The following RALGPS1 variants were observed in gnomAD, a reference collection of about 807,000 sequenced individuals.
The protein encoded by RALGPS1 is ras-specific guanine nucleotide-releasing factor RalGPS1.
RALGPS1 carries 19 observed loss-of-function variants against 78.8 expected under a neutral mutation model. The observed-to-expected ratio is 0.24, with a 90% confidence interval of 0.17 to 0.35. RALGPS1 has a LOEUF of 0.35. Ranked by LOEUF, RALGPS1 falls within the 10% of genes least tolerant of loss-of-function variation. The pLI is 1.00. For missense variants in RALGPS1, 454 were observed against 688.3 expected (o/e 0.66, Z 3.81); for synonymous variants, 228 against 256.3 (o/e 0.89, Z 1.06).
intron 8 of RALGPS1, among the ~76,000 whole-genome samples, chr9:127,118,961 T>C (rs1164067770): frequency 2.0e-5 from 3 of 152,228 alleles, no homozygotes; most frequent in Non-Finnish European, 4.4e-5. Flanking sequence ...ACCTGAGCTC[T>C]GATTCTTCAG....
intron 4 of RALGPS1, among the ~76,000 whole-genome samples, chr9:126,993,809 G>A (rs755925480): frequency 2.6e-5 from 4 of 152,066 alleles, no homozygotes; most frequent in African/African-American, 7.2e-5. Flanking sequence ...TCACACGACC[G>A]GGCACTCCTC....
At chr9:127,176,433 G>A (rs2059880770) in intron 11 of RALGPS1, among the ~76,000 whole-genome samples, 1 of 152,190 alleles carries the variant, frequency 6.6e-6, no homozygotes. Context: ...GCAGGGCAGG[G>A]TTCCTATCAG....
chr9:126,955,553 TA>T, intron 1 of RALGPS1, among the ~76,000 whole-genome samples: 1 of 152,294 alleles, frequency 6.6e-6, no homozygotes, highest in East Asian at 1.9e-4. Flanking sequence ...TTGAATACAA[TA>T]ATAAAGATAT....
At position 127,122,102 on chromosome 9, in the gene RALGPS1, G is replaced by A. The variant is rs530422920; in HGVS notation, c.611-43967G>A. Among the ~76,000 whole-genome samples the A allele has an allele frequency of 6.6e-5, 10 of 152,318 alleles. No individual in the cohort carries two copies. The East Asian group carries it at 1.9e-3, about 29-fold the overall frequency. On this transcript the variant is annotated intron_variant, in intron 8 of 18. Transcript: ENST00000259351. The surrounding 1 kb of genome is among the most constrained non-coding windows in gnomAD (Gnocchi z 6.4). ...TACTCATGAAGTCCTCGAGATGCCA[G>A]CCCATGATCATGTGCCCCCAAACAC...
intron 4 of RALGPS1, among the ~76,000 whole-genome samples, chr9:127,007,364 C>T (rs1026747727): frequency 2.6e-5 from 4 of 152,190 alleles, no homozygotes; most frequent in Admixed American, 2.6e-4. Flanking sequence ...GCACCAGACA[C>T]ACATAGATGC....
rs59773981 is a variant in RALGPS1, at chr9:127,045,762, TACACACACACAC to T, written c.301-4257_301-4246del. Among the ~76,000 whole-genome samples, 472 of 137,142 alleles carry T rather than the reference TACACACACACAC, an allele frequency of 3.4e-3. 2 individuals are homozygous for T. Among genetic ancestry groups the T allele is most frequent in the African/African-American group, 0.011 (401 of 35,856 alleles). 90.0% of individuals were successfully genotyped at this position (137,142 alleles called of 152,430 possible). On this transcript the variant is annotated intron_variant, in intron 5 of 18. Transcript: ENST00000259351. ...ACACACACACACACACACACACACA[TACACACACACAC>T]ACACACACACACACACACACACAAT... is the stretch of plus-strand genomic sequence containing the variant.
intron 11 of RALGPS1, among the ~76,000 whole-genome samples, chr9:127,190,141 A>G (rs1175212596): frequency 1.3e-5 from 2 of 152,128 alleles, no homozygotes; most frequent in African/African-American, 4.8e-5. Flanking sequence ...TCCTCCCTAC[A>G]GTTACTGCTG....
At chr9:126,935,634 A>G (rs1417387032) in intron 1 of RALGPS1, among the ~76,000 whole-genome samples, 1 of 126,016 alleles carries the variant, frequency 7.9e-6, no homozygotes. Flanking sequence ...AGTAACTCAT[A>G]TAGTACTTAG....
At chr9:126,974,355 C>A (rs1285350949) in intron 3 of RALGPS1, among the ~76,000 whole-genome samples, 1 of 152,152 alleles carries the variant, frequency 6.6e-6, no homozygotes, top group African/African-American at 2.4e-5. Context: ...GAGCTGATTA[C>A]TCTGTTCTGT....
At chr9:127,024,089 T>C (rs956512402) in intron 4 of RALGPS1, among the ~76,000 whole-genome samples, 20 of 149,232 alleles carry the variant, frequency 1.3e-4, no homozygotes, top group African/African-American at 4.8e-4. Flanking sequence ...GTGAAAACTG[T>C]GTGTTATTTA....
At position 127,069,328 on chromosome 9, in the gene RALGPS1, G is replaced by A. The variant is rs1488651212; in HGVS notation, c.582G>A (p.Leu194=). ...GGACACGGGAATATATCCGAAGCCT[G>A]AAGATGGTTCCAAGTATTCCCTATC... ...YKRTREYIRS[L]KMVPSIPYLG... is the part of the protein sequence containing the mutation. Residue 194 remains leucine, a synonymous_variant, in exon 8 of 19, where the codon CTG becomes CTA. Transcript: ENST00000259351. 6.2e-7 allele frequency: 1 copy of A among 1,613,946 alleles called. No individual in the cohort carries two copies. Among genetic ancestry groups the A allele is most frequent in the Non-Finnish European group, 8.5e-7 (1 of 1,179,930 alleles).
chr9:127,044,973 C>T (rs1037154666), intron 5 of RALGPS1, among the ~76,000 whole-genome samples: 1 of 152,064 alleles, frequency 6.6e-6, no homozygotes, highest in Non-Finnish European at 1.5e-5. Flanking sequence ...TTTATATTTC[C>T]TTTTTTGACA....
intron 14 of RALGPS1, among the ~76,000 whole-genome samples, chr9:127,206,714 G>A (rs1418547044): frequency 6.6e-6 from 1 of 152,110 alleles, no homozygotes; most frequent in East Asian, 1.9e-4. Context: ...ATTTTCTGGG[G>A]AGGTTGCTCT....
chr9:126,985,552 A>G (rs1185061752), intron 4 of RALGPS1, among the ~76,000 whole-genome samples: 1 of 152,210 alleles, frequency 6.6e-6, no homozygotes, highest in African/African-American at 2.4e-5. Flanking sequence ...GTTCCTAGCA[A>G]CATTACTTAC....
intron 8 of RALGPS1, among the ~76,000 whole-genome samples, chr9:127,104,796 A>T (rs576593270): frequency 3.3e-5 from 5 of 152,368 alleles, no homozygotes; most frequent in African/African-American, 1.2e-4. Context: ...AAAGGTTTGG[A>T]AGCTGCCAAG....
At chr9:127,118,396 A>G (rs746219741) in intron 8 of RALGPS1, among the ~76,000 whole-genome samples, 1 of 152,130 alleles carries the variant, frequency 6.6e-6, no homozygotes, top group African/African-American at 2.4e-5. Flanking sequence ...TGGCTGAATA[A>G]CTCTTCTATT....
intron 8 of RALGPS1, among the ~76,000 whole-genome samples, chr9:127,099,772 A>C (rs1311107826): frequency 6.6e-6 from 1 of 152,272 alleles, no homozygotes; most frequent in African/African-American, 2.4e-5. Flanking sequence ...GTATGGTCCC[A>C]AAGGCATTTC....
intron 7 of RALGPS1, among the ~76,000 whole-genome samples, chr9:127,065,723 G>T (rs2049631083): frequency 6.6e-6 from 1 of 152,082 alleles, no homozygotes. Context: ...GGCTGATCCA[G>T]TGTGCACCAG....
At chr9:126,929,072 A>G (rs778517720) in intron 1 of RALGPS1, among the ~76,000 whole-genome samples, 61 of 152,322 alleles carry the variant, frequency 4.0e-4, no homozygotes, top group Non-Finnish European at 7.3e-4. Flanking sequence ...TAATGGTTCA[A>G]TAAATGGTGA....
Sources: allele counts gnomAD v4.1 joint callset (sites outside exome capture counted in the v4.1 genomes callset), GRCh38; gene constraint gnomAD v4.1.1; non-coding constraint Gnocchi (gnomAD v3.1); transcripts MANE v1.5; gene names NCBI Gene and HGNC (gene_info 2026-07-23, HGNC 2026-07-21).